PHF8: variants seen among roughly 807,000 people sequenced by gnomAD.
The protein encoded by PHF8 is PHD finger protein 8.
A neutral mutation model predicts 74.4 loss-of-function variants in PHF8; 9 were observed. The ratio of observed to expected loss-of-function variants is 0.12; its 90% CI spans 0.07 to 0.21. The LOEUF is 0.21. Ranked by LOEUF, PHF8 falls within the 10% of genes least tolerant of loss-of-function variation. PHF8 has a pLI of 1.00. For missense variants in PHF8, 478 were observed against 816.6 expected (o/e 0.59, Z 5.05); for synonymous variants, 311 against 316.6 (o/e 0.98, Z 0.19).
At chrX:53,956,675 CGTGTGTGT>C (rs376217153) in intron 19 of PHF8, among the ~76,000 whole-genome samples, 5 of 97,529 alleles carry the variant, frequency 5.1e-5, no homozygotes, top group African/African-American at 7.5e-5. Flanking sequence ...AAAATATGTG[CGTGTGTGT>C]GTGTGTGTGT....
chrX:54,031,302 TCTC>T (rs1557112462), intron 2 of PHF8, among the ~76,000 whole-genome samples: 1 of 110,521 alleles, frequency 9.0e-6, no homozygotes, highest in East Asian at 2.8e-4. Context: ...TGGCTTCTTA[TCTC>T]CTCAACCTCT....
In PHF8 at chrX:53,937,919, A is replaced by T; in HGVS notation, c.*1239T>A. 2 of 991,217 alleles carry T rather than the reference A, an allele frequency of 2.0e-6. No individual in the cohort carries two copies. The highest frequency in any genetic ancestry group is 2.8e-6 in the Non-Finnish European group (2 of 715,814). 81.7% of individuals were successfully genotyped at this position (991,217 alleles called of 1,213,427 possible). A position where few individuals can be genotyped will look rare whatever the true frequency, so the allele number is the denominator to read the frequency against. ...GGGAGGTGGGGGCACTGTCTGGACA[A>T]TGGAGACAATCCACGAAGGAAGGAC... On this transcript the variant is annotated 3_prime_UTR_variant, in exon 22 of 22. Transcript: ENST00000338154.
chrX:53,943,093 T>G (rs1557084046), intron 20 of PHF8: 7 of 819,178 alleles, frequency 8.5e-6, no homozygotes, highest in Non-Finnish European at 1.0e-5. Flanking sequence ...ATTTAGCTCC[T>G]TAAAAGGCAC....
intron 2 of PHF8, among the ~76,000 whole-genome samples, chrX:54,023,841 C>CA (rs782579990): frequency 0.13 from 4,713 of 37,131 alleles, 356 homozygotes; most frequent in African/African-American, 0.31. Flanking sequence ...ACCCTGTCTC[C>CA]AAAAAAAAAA....
chrX:54,039,757 T>C (rs2066521164), intron 2 of PHF8: 2 of 112,479 alleles, frequency 1.8e-5, no homozygotes, highest in South Asian at 3.6e-4. Flanking sequence ...AAAAGTACAA[T>C]GTCCAACCAT....
chrX:54,036,258 T>C (rs1283226574), intron 2 of PHF8, among the ~76,000 whole-genome samples: 1 of 110,625 alleles, frequency 9.0e-6, no homozygotes, highest in Admixed American at 9.7e-5. Context: ...TCATGAAACA[T>C]TTACCAAGAT....
chrX:53,940,826 C>T (rs1557083305), intron 20 of PHF8, among the ~76,000 whole-genome samples: 2 of 112,371 alleles, frequency 1.8e-5, no homozygotes, highest in African/African-American at 3.2e-5. Flanking sequence ...ACCTTGGACA[C>T]GTCTAATGAT....
chrX:54,036,840 A>T (rs2066468472), intron 2 of PHF8, among the ~76,000 whole-genome samples: 1 of 108,077 alleles, frequency 9.3e-6, no homozygotes, highest in South Asian at 4.0e-4. Flanking sequence ...CTCTATTAAA[A>T]ATACAAAAAA....
At chrX:53,943,267 G>C (rs2064779683) in intron 20 of PHF8, 1 of 948,500 alleles carries the variant, frequency 1.1e-6, no homozygotes, top group Non-Finnish European at 1.4e-6. Context: ...AGGATGTAAT[G>C]ACTGAACTAC....
chrX:53,948,553 G>A (rs782543332), intron 19 of PHF8, among the ~76,000 whole-genome samples: 3 of 111,133 alleles, frequency 2.7e-5, no homozygotes, highest in South Asian at 3.8e-4. Context: ...GATTACAGGC[G>A]TGAACCATCG....
chrX:53,939,854 T>C lies in PHF8; in HGVS notation c.2986+326A>G, dbSNP rs782066780. The stretch of plus-strand genomic sequence containing the variant: ...ACTGCCTCCATATTTGATCAGTTCA[T>C]CTCCTTCCTCTCCATTCCCTCTGGC... On this transcript the variant is annotated intron_variant, in intron 21 of 21. Coordinates refer to ENST00000338154, the MANE Select transcript of PHF8 (RefSeq NM_015107.3). 3.6e-5 allele frequency among the ~76,000 whole-genome samples: 4 copies of C among 110,644 alleles called. No homozygotes were observed. In the South Asian group the frequency reaches 1.6e-3, roughly 43 times the overall value.
rs782475445 is a variant in PHF8 at position 54,016,222 on chromosome X, G to A, written c.596+373C>T. On this transcript the variant is annotated intron_variant, in intron 6 of 21. Coordinates refer to ENST00000338154, the MANE Select transcript of PHF8 (RefSeq NM_015107.3). Reference sequence around the variant, plus strand: ...GAGAAAGGAACACGAGGCAAGGTGCGGTGGCTCATGCCTGTAATCCTAGTA... The same window carrying A: ...GAGAAAGGAACACGAGGCAAGGTGCAGTGGCTCATGCCTGTAATCCTAGTA... Among the ~76,000 whole-genome samples, 10 of 111,389 alleles carry A rather than the reference G, an allele frequency of 9.0e-5. No homozygotes were observed. In the South Asian group the frequency reaches 3.4e-3, roughly 38 times the overall value.
At chrX:54,043,074 G>T in intron 1 of PHF8, 1 of 609,707 alleles carries the variant, frequency 1.6e-6, no homozygotes, top group Non-Finnish European at 2.2e-6. Context: ...CGGCCCCGTT[G>T]TCAGTGATAA....
chrX:53,964,150 G>A (rs1178577613), intron 18 of PHF8, among the ~76,000 whole-genome samples: 10 of 110,147 alleles, frequency 9.1e-5, no homozygotes, highest in Admixed American at 5.9e-4. Flanking sequence ...ACCAAACACC[G>A]CATATTCTCA....
chrX:53,977,998 T>G (rs2065412182), intron 18 of PHF8, among the ~76,000 whole-genome samples: 1 of 95,579 alleles, frequency 1.0e-5, no homozygotes, highest in Non-Finnish European at 2.1e-5. Context: ...CAGGCTGGAG[T>G]GCAGTGATGC....
intron 18 of PHF8, among the ~76,000 whole-genome samples, chrX:53,973,821 G>A (rs1383267760): frequency 8.9e-6 from 1 of 111,737 alleles, no homozygotes; most frequent in African/African-American, 3.3e-5. Context: ...AAGAGCTTCT[G>A]CACATCAAAA....
At chrX:54,045,009 G>A (rs1272091020), upstream of PHF8, 1 of 650,690 alleles carries the variant, frequency 1.5e-6, no homozygotes, top group Admixed American at 2.8e-5. Flanking sequence ...GAAGCCAAGT[G>A]ACTTGAGTCC....
At chrX:53,993,546 G>GC (rs2075748909) in intron 13 of PHF8, 55 bp downstream of exon 13, 1 of 1,062,927 alleles carries the variant, frequency 9.4e-7, no homozygotes, top group African/African-American at 1.8e-5. Flanking sequence ...TTGAAACCCT[G>GC]CTCTTCCAAG....
upstream of PHF8, chrX:54,044,932 C>A (rs1557117121): frequency 9.0e-7 from 1 of 1,112,055 alleles, no homozygotes; most frequent in South Asian, 2.0e-5. Context: ...ACGGTCTCTG[C>A]GTTGTTGGTT....
Sources: allele counts gnomAD v4.1 joint callset (sites outside exome capture counted in the v4.1 genomes callset), GRCh38; gene constraint gnomAD v4.1.1; transcripts MANE v1.5; gene names NCBI Gene and HGNC (gene_info 2026-07-23, HGNC 2026-07-21).